ADAMTSL1: variants seen among roughly 807,000 people sequenced by gnomAD.
The protein encoded by ADAMTSL1 is ADAMTS like 1.
In ADAMTSL1, 126 loss-of-function variants were observed where a neutral mutation model predicts 201.8. That is an observed-to-expected ratio of 0.62 (90% CI 0.54 to 0.72). ADAMTSL1 has a LOEUF of 0.72. Ranked by LOEUF, ADAMTSL1 falls within the 30% of genes least tolerant of loss-of-function variation. The pLI is 0.00. For synonymous variants in ADAMTSL1, 1,121 were observed against 903.4 expected (o/e 1.24, Z -4.32); for missense variants, 2,679 against 2,277.8 (o/e 1.18, Z -3.59).
intron 23 of ADAMTSL1, among the ~76,000 whole-genome samples, chr9:18,866,048 CATT>C (rs983614609): frequency 1.1e-4 from 16 of 139,866 alleles, no homozygotes; most frequent in African/African-American, 4.1e-4. Context: ...GTGTGGAATA[CATT>C]ATTAGCACGT....
intron 2 of ADAMTSL1, among the ~76,000 whole-genome samples, chr9:18,513,457 A>G (rs1818162210): frequency 6.6e-6 from 1 of 152,052 alleles, no homozygotes; most frequent in African/African-American, 2.4e-5. Context: ...GAGTTCATTC[A>G]TTGTTGTTCT....
At chr9:18,524,509 G>C (rs1818909213) in intron 2 of ADAMTSL1, among the ~76,000 whole-genome samples, 1 of 152,110 alleles carries the variant, frequency 6.6e-6, no homozygotes, top group Admixed American at 6.5e-5. Flanking sequence ...GGGCATCCCT[G>C]TTTTGTGCCA....
intron 3 of ADAMTSL1, among the ~76,000 whole-genome samples, chr9:18,549,960 A>C (rs573124749): frequency 6.6e-6 from 1 of 152,030 alleles, no homozygotes; most frequent in Non-Finnish European, 1.5e-5. Context: ...TCGTATGCAC[A>C]TTAAAGGCTG....
At chr9:18,013,341 AG>A (rs1820131033) in intron 1 of ADAMTSL1, among the ~76,000 whole-genome samples, 1 of 151,992 alleles carries the variant, frequency 6.6e-6, no homozygotes, top group Non-Finnish European at 1.5e-5. Flanking sequence ...AATGGTCAGG[AG>A]GATATCTAGA....
chr9:18,379,896 G>C (rs1033728248), intron 2 of ADAMTSL1, among the ~76,000 whole-genome samples: 2 of 152,130 alleles, frequency 1.3e-5, no homozygotes, highest in African/African-American at 4.8e-5. Flanking sequence ...TCCCATCGGG[G>C]ATTAAAGGCT....
intron 1 of ADAMTSL1, among the ~76,000 whole-genome samples, chr9:18,022,953 G>A (rs1454864747): frequency 1.3e-5 from 2 of 151,932 alleles, no homozygotes; most frequent in Admixed American, 1.3e-4. Flanking sequence ...CACCTTGCTG[G>A]GTTTCTTTTC....
At chr9:18,592,190 G>GGT (rs1249759659) in intron 4 of ADAMTSL1, among the ~76,000 whole-genome samples, 5 of 151,534 alleles carry the variant, frequency 3.3e-5, no homozygotes, top group Admixed American at 6.6e-5. Context: ...CTTTTTTTTT[G>GGT]GTGCAAGTTT....
At chr9:18,823,102 C>T (rs1485048127) in intron 21 of ADAMTSL1, among the ~76,000 whole-genome samples, 1 of 152,196 alleles carries the variant, frequency 6.6e-6, no homozygotes, top group Non-Finnish European at 1.5e-5. Context: ...ACCTAAGGCC[C>T]ACAGTTCCAG....
At chr9:18,332,765 A>G (rs1835084828) in intron 2 of ADAMTSL1, among the ~76,000 whole-genome samples, 1 of 152,174 alleles carries the variant, frequency 6.6e-6, no homozygotes, top group African/African-American at 2.4e-5. Context: ...AACTGCAGGC[A>G]TTGTATCCTC....
At chr9:18,262,497 C>A (rs921814411) in intron 2 of ADAMTSL1, among the ~76,000 whole-genome samples, 1 of 152,154 alleles carries the variant, frequency 6.6e-6, no homozygotes, top group Non-Finnish European at 1.5e-5. Flanking sequence ...AAGAGACATT[C>A]TTCAGGGGAT....
At chr9:18,353,598 G>A (rs983238457) in intron 2 of ADAMTSL1, among the ~76,000 whole-genome samples, 6 of 152,112 alleles carry the variant, frequency 3.9e-5, no homozygotes, top group Admixed American at 2.0e-4. Flanking sequence ...TTAGTAAGGA[G>A]GCCCATAAAG....
chr9:18,200,623 T>C (rs1286164498), intron 2 of ADAMTSL1, among the ~76,000 whole-genome samples: 4 of 152,060 alleles, frequency 2.6e-5, no homozygotes, highest in Non-Finnish European at 2.9e-5. Context: ...TGAGGTAATA[T>C]ACCTTACCTC....
intron 2 of ADAMTSL1, among the ~76,000 whole-genome samples, chr9:18,449,547 C>T (rs182166100): frequency 6.4e-4 from 98 of 152,124 alleles, no homozygotes; most frequent in Non-Finnish European, 1.2e-3. Context: ...TTTGGCAATA[C>T]ATTTTATTTT....
chr9:18,886,625 T>C (rs1828919722), intron 23 of ADAMTSL1, among the ~76,000 whole-genome samples: 1 of 152,194 alleles, frequency 6.6e-6, no homozygotes, highest in Non-Finnish European at 1.5e-5. Context: ...GCTTCATAGA[T>C]GGCAGCTTCT....
intron 2 of ADAMTSL1, among the ~76,000 whole-genome samples, chr9:18,311,886 A>C (rs1231762719): frequency 1.3e-5 from 2 of 152,108 alleles, no homozygotes; most frequent in Non-Finnish European, 2.9e-5. Flanking sequence ...CTGAAAAGGC[A>C]TTTGTCAAGT....
chr9:18,805,705 A>C (rs1170590254), intron 20 of ADAMTSL1, among the ~76,000 whole-genome samples: 1 of 152,138 alleles, frequency 6.6e-6, no homozygotes. Context: ...TGCAGGCATC[A>C]CTAGCTCATC....
At chr9:18,631,466 T>C (rs1049389569) in intron 5 of ADAMTSL1, among the ~76,000 whole-genome samples, 1 of 152,244 alleles carries the variant, frequency 6.6e-6, no homozygotes, top group Non-Finnish European at 1.5e-5. Context: ...ACATAGTCAA[T>C]TGTATTTTAA....
In ADAMTSL1 at chr9:18,447,042, C is replaced by A. The variant is rs559884598; in HGVS notation, c.208-57787C>A. The stretch of plus-strand genomic sequence containing the variant: ...AGACAATCACAAAATGTGGGTCACA[C>A]AATCACTATGTGGGTTGTTTACATA... On this transcript the variant is annotated intron_variant, in intron 2 of 29. Transcript: ENST00000680146. Among the ~76,000 whole-genome samples, 11 of 152,062 alleles carry A rather than the reference C, an allele frequency of 7.2e-5. No homozygotes were observed. The East Asian group carries it at 2.1e-3, about 29-fold the overall frequency.
intron 15 of ADAMTSL1, among the ~76,000 whole-genome samples, chr9:18,727,711 G>C (rs373022412): frequency 1.3e-5 from 2 of 152,234 alleles, no homozygotes. Flanking sequence ...GTGTGAGCAT[G>C]TGTGACCATG....
Sources: allele counts gnomAD v4.1 joint callset (sites outside exome capture counted in the v4.1 genomes callset), GRCh38; gene constraint gnomAD v4.1.1; transcripts MANE v1.5; gene names NCBI Gene and HGNC (gene_info 2026-07-23, HGNC 2026-07-21).